The following TMEM272 variants were observed in gnomAD, a reference collection of about 807,000 sequenced individuals.
TMEM272 encodes long intergenic non-protein coding RNA 282.
A neutral mutation model predicts 3.7 loss-of-function variants in TMEM272; 8 were observed. The ratio of observed to expected loss-of-function variants is 2.17; its 90% CI spans 1.27 to 3.91. The LOEUF is 3.91. Ranked by LOEUF, TMEM272 falls within the 30% of genes most tolerant of loss-of-function variation. The probability of loss-of-function intolerance (pLI) is 0.00; values close to 1 mark genes in which losing one functional copy is unlikely to be tolerated. For missense variants in TMEM272, 166 were observed against 91.5 expected (o/e 1.81, Z -3.32); for synonymous variants, 63 against 39.8 (o/e 1.58, Z -2.20).
the TMEM272 span, among the ~76,000 whole-genome samples, chr13:51,932,141 G>A: frequency 2.0e-5 from 3 of 152,086 alleles, no homozygotes; most frequent in African/African-American, 7.2e-5. Flanking sequence ...GTGTCCTGGT[G>A]TGGGTGAAGA....
chr13:51,898,203 C>T, the TMEM272 span, among the ~76,000 whole-genome samples: 2 of 145,634 alleles, frequency 1.4e-5, no homozygotes, highest in African/African-American at 2.5e-5. Context: ...GGTAACAGAG[C>T]GAGACTCCAT....
At chr13:51,906,704 C>G in the TMEM272 span, among the ~76,000 whole-genome samples, 1 of 152,186 alleles carries the variant, frequency 6.6e-6, no homozygotes, top group African/African-American at 2.4e-5. Flanking sequence ...GGGCTCCCTG[C>G]CAGCACAGGC....
At chr13:51,923,132 G>A in the TMEM272 span, among the ~76,000 whole-genome samples, 3 of 152,318 alleles carry the variant, frequency 2.0e-5, 1 homozygote, top group Middle Eastern at 0.01. Context: ...CGTGGAGCTG[G>A]CTGGATGATT....
intron 1 of TMEM272, among the ~76,000 whole-genome samples, chr13:51,841,860 G>A (rs1396733147): frequency 6.6e-6 from 1 of 152,186 alleles, no homozygotes; most frequent in Non-Finnish European, 1.5e-5. Context: ...ATGATGTGCT[G>A]TGAATTCTGT....
At chr13:51,884,887 C>G in the TMEM272 span, among the ~76,000 whole-genome samples, 1 of 152,224 alleles carries the variant, frequency 6.6e-6, no homozygotes, top group Non-Finnish European at 1.5e-5. Context: ...CTCCAAGTCT[C>G]TGTCTCCCTG....
chr13:51,911,973 C>A, the TMEM272 span, among the ~76,000 whole-genome samples: 14 of 152,104 alleles, frequency 9.2e-5, no homozygotes, highest in Non-Finnish European at 2.1e-4. Flanking sequence ...TCTGCCTGGA[C>A]CACCCTTACT....
In TMEM272 at chr13:51,817,041, C is replaced by T. The variant is rs1236463089; in HGVS notation, c.274G>A (p.Asp92Asn). ...TGCCTCCAGGGGTATTCGTCATCGT[C>T]ATCGTCATCAATCACCACGGCCTTG... ...LSKAVVIDDD[D>N]DDEYPWRQNA... The change falls in exon 5 of 5, where the codon GAC becomes AAC. Residue 92 changes from aspartate to asparagine, a missense_variant. Physicochemically the swap from Asp to Asn is conservative, Grantham distance 23. Coordinates refer to ENST00000629372, the MANE Select transcript of TMEM272 (RefSeq NM_001351003.2). The T allele has an allele frequency of 5.7e-6, 4 of 702,898 alleles. No individual in the cohort carries two copies. The highest frequency in any genetic ancestry group is 3.5e-5 in the African/African-American group (2 of 57,250). 43.5% of individuals were successfully genotyped at this position (702,898 alleles called of 1,614,324 possible).
chr13:51,853,447 C>T, the TMEM272 span, among the ~76,000 whole-genome samples: 1 of 151,950 alleles, frequency 6.6e-6, no homozygotes, highest in Non-Finnish European at 1.5e-5. Context: ...AATATATTTA[C>T]TATTCATTAA....
chr13:51,891,339 C>T, the TMEM272 span, among the ~76,000 whole-genome samples: 2 of 152,070 alleles, frequency 1.3e-5, no homozygotes, highest in African/African-American at 4.8e-5. Flanking sequence ...AAAGCCTTAT[C>T]CCATGAATAG....
At chr13:51,918,463 A>G in the TMEM272 span, among the ~76,000 whole-genome samples, 1 of 152,332 alleles carries the variant, frequency 6.6e-6, no homozygotes, top group East Asian at 1.9e-4. Flanking sequence ...AGAGAAAAAG[A>G]AAGAAAAGGA....
the TMEM272 span, among the ~76,000 whole-genome samples, chr13:51,900,699 T>A: frequency 6.6e-6 from 1 of 151,686 alleles, no homozygotes; most frequent in Non-Finnish European, 1.5e-5. Context: ...CAAAAAAAAA[T>A]GGAAACAACC....
chr13:51,838,506 A>T lies in TMEM272; in HGVS notation c.25T>A (p.Cys9Ser). 1 of 703,012 alleles carries T rather than the reference A, an allele frequency of 1.4e-6. No homozygotes were observed. The highest frequency in any genetic ancestry group is 2.7e-5 in the East Asian group (1 of 37,294). The allele number at this position is 703,012 out of a possible 1,614,324, so 43.5% of individuals were successfully genotyped here. The part of the protein sequence containing the change: MPGGLEKT[C>S]HQCISKIASN... ...GCGATTTTAGAAATGCACTGATGACACGTTTTCTCCAGACCTCCTGGCATT... is the reference window on the plus strand; with the variant it reads ...GCGATTTTAGAAATGCACTGATGACTCGTTTTCTCCAGACCTCCTGGCATT... Residue 9 changes from cysteine (C) to serine (S), a missense_variant, in exon 2 of 5, where the codon TGT becomes AGT. Coordinates refer to ENST00000629372, the MANE Select transcript of TMEM272 (RefSeq NM_001351003.2).
At chr13:51,926,676 C>A in the TMEM272 span, among the ~76,000 whole-genome samples, 5 of 149,212 alleles carry the variant, frequency 3.4e-5, no homozygotes, top group African/African-American at 1.2e-4. Flanking sequence ...TGTGCGCGCA[C>A]GCACACGCAC....
the TMEM272 span, among the ~76,000 whole-genome samples, chr13:51,903,757 G>A: frequency 1.3e-5 from 2 of 152,124 alleles, no homozygotes; most frequent in Non-Finnish European, 2.9e-5. Flanking sequence ...GGCAAAGGCT[G>A]CCCCAGAATG....
chr13:51,830,264 G>A (rs887159612), intron 2 of TMEM272, among the ~76,000 whole-genome samples: 10 of 152,224 alleles, frequency 6.6e-5, no homozygotes, highest in Admixed American at 4.6e-4. Context: ...TAAGAGTGGA[G>A]AGGTAAAATG....
chr13:51,925,564 G>T, the TMEM272 span, among the ~76,000 whole-genome samples: 1 of 151,864 alleles, frequency 6.6e-6, no homozygotes, highest in Non-Finnish European at 1.5e-5. Context: ...TAGACACATA[G>T]AGCCATCCCA....
rs936976028 is a variant in TMEM272, at chr13:51,813,645, A to G, written c.*3106T>C. 6.9e-5 allele frequency: 13 copies of G among 187,276 alleles called. No individual in the cohort carries two copies. The highest frequency in any genetic ancestry group is 2.3e-4 in the African/African-American group (10 of 42,888). The allele number at this position is 187,276 out of a possible 1,614,324, so 11.6% of individuals were successfully genotyped here. A position where few individuals can be genotyped will look rare whatever the true frequency, so the allele number is the denominator to read the frequency against. ...CACAAGTCAGTCTCTGGGGGCTGTG[A>G]TTCTGCATTGCAAACAAGTCCTTGG... is the stretch of plus-strand genomic sequence containing the variant. On this transcript the variant is annotated 3_prime_UTR_variant, in exon 5 of 5. Transcript: ENST00000629372.
the TMEM272 span, among the ~76,000 whole-genome samples, chr13:51,890,351 T>G: frequency 6.6e-6 from 1 of 152,108 alleles, no homozygotes; most frequent in Admixed American, 6.5e-5. Context: ...ACTTGCTCTG[T>G]TAGTTTCCAC....
the TMEM272 span, chr13:51,865,969 CT>C: frequency 1.2e-6 from 2 of 1,614,058 alleles, no homozygotes; most frequent in Non-Finnish European, 8.5e-7. Context: ...AAGAGAGGGC[CT>C]TCTGGATGGA....
Sources: gnomAD v4.1 joint callset for allele counts (sites outside exome capture counted in the v4.1 genomes callset) on GRCh38, gnomAD v4.1.1 for gene constraint, MANE v1.5 for transcripts, NCBI Gene and HGNC (gene_info 2026-07-23, HGNC 2026-07-21) for gene names.